The following SPAG16 variants were observed in gnomAD, a reference collection of about 807,000 sequenced individuals.
SPAG16 encodes the protein sperm-associated antigen 16 protein.
Under a neutral mutation model 80.4 loss-of-function variants are expected in SPAG16, and 86 were observed. That is an observed-to-expected ratio of 1.07 (90% CI 0.90 to 1.28). The LOEUF is 1.28. Among genes scored for constraint, SPAG16 ranks in the 50% most tolerant of loss-of-function variants. The pLI, the probability that SPAG16 is intolerant of heterozygous loss-of-function variation, is 0.00. For missense variants in SPAG16, 870 were observed against 765.3 expected (o/e 1.14, Z -1.61); for synonymous variants, 294 against 265.9 (o/e 1.11, Z -1.03).
At chr2:213,690,351 A>G (rs2064888116) in intron 10 of SPAG16, among the ~76,000 whole-genome samples, 1 of 152,224 alleles carries the variant, frequency 6.6e-6, no homozygotes, top group Non-Finnish European at 1.5e-5. Flanking sequence ...CAAGGGCTGC[A>G]TCCTCCAGAG....
At chr2:213,841,010 C>A (rs926285022) in intron 10 of SPAG16, among the ~76,000 whole-genome samples, 2 of 152,196 alleles carry the variant, frequency 1.3e-5, no homozygotes, top group African/African-American at 4.8e-5. Context: ...AAATAGACTT[C>A]ATGGCTCTGG....
At position 213,835,005 on chromosome 2, in the gene SPAG16, A is replaced by C. The variant is rs145046190; in HGVS notation, c.1071-27480A>C. On this transcript the variant is annotated intron_variant, in intron 10 of 15. Transcript: ENST00000331683. ...AGGTTGCAAAATATATTTGAACTCT[A>C]TCCCAGTTTCCTGATCTCTGGTTGT... Among the ~76,000 whole-genome samples, 14 of 152,268 alleles carry C rather than the reference A, an allele frequency of 9.2e-5. No individual in the cohort carries two copies. In the East Asian group the frequency reaches 2.7e-3, roughly 29 times the overall value.
chr2:214,123,303 G>T (rs531004035), intron 14 of SPAG16, among the ~76,000 whole-genome samples: 1 of 151,764 alleles, frequency 6.6e-6, no homozygotes, highest in Non-Finnish European at 1.5e-5. Flanking sequence ...TAGTCAAATG[G>T]AGTTCATTTC....
At chr2:214,221,895 C>A (rs550596443) in intron 15 of SPAG16, among the ~76,000 whole-genome samples, 1 of 150,932 alleles carries the variant, frequency 6.6e-6, no homozygotes, top group South Asian at 2.1e-4. Flanking sequence ...CAAAATCAGC[C>A]AATACTGTTT....
chr2:213,744,848 A>C (rs1263983847), intron 10 of SPAG16, among the ~76,000 whole-genome samples: 1 of 152,230 alleles, frequency 6.6e-6, no homozygotes, highest in African/African-American at 2.4e-5. Context: ...TACCACTTCC[A>C]TATTAACATT....
chr2:214,325,030 A>G (rs1696378007), intron 15 of SPAG16, among the ~76,000 whole-genome samples: 1 of 152,228 alleles, frequency 6.6e-6, no homozygotes. Flanking sequence ...ATCAGAAAAA[A>G]TATTTCTTTA....
chr2:214,070,342 T>G (rs1045313012), intron 13 of SPAG16, among the ~76,000 whole-genome samples: 1 of 152,084 alleles, frequency 6.6e-6, no homozygotes, highest in Non-Finnish European at 1.5e-5. Flanking sequence ...AATTCTTGTT[T>G]GTTTACAACA....
At chr2:214,409,208 T>G (rs1481554919) in intron 15 of SPAG16, among the ~76,000 whole-genome samples, 3 of 151,894 alleles carry the variant, frequency 2.0e-5, no homozygotes, top group African/African-American at 4.8e-5. Context: ...ATATAGTATC[T>G]ATCACATTAA....
intron 10 of SPAG16, among the ~76,000 whole-genome samples, chr2:213,774,125 C>A (rs1469196363): frequency 6.6e-6 from 1 of 152,018 alleles, no homozygotes; most frequent in Non-Finnish European, 1.5e-5. Context: ...ATTCTAATAT[C>A]TGGGATATCT....
intron 12 of SPAG16, among the ~76,000 whole-genome samples, chr2:213,943,269 T>C (rs2079288602): frequency 6.6e-6 from 1 of 152,150 alleles, no homozygotes; most frequent in African/African-American, 2.4e-5. Flanking sequence ...AGGTAATGGG[T>C]AGAGTCTGGA....
At chr2:214,085,971 C>A (rs1229655208) in intron 13 of SPAG16, among the ~76,000 whole-genome samples, 1 of 152,160 alleles carries the variant, frequency 6.6e-6, no homozygotes, top group Non-Finnish European at 1.5e-5. Context: ...CTTTTGAAAG[C>A]CTGTCCATCC....
chr2:214,127,281 T>C (rs1004198953), intron 14 of SPAG16, among the ~76,000 whole-genome samples: 5 of 151,844 alleles, frequency 3.3e-5, no homozygotes, highest in Admixed American at 1.3e-4. Flanking sequence ...CCTGGTTTAC[T>C]ATTTCAAGTG....
At chr2:213,360,066 A>G (rs549643034) in intron 7 of SPAG16, among the ~76,000 whole-genome samples, 27 of 152,364 alleles carry the variant, frequency 1.8e-4, no homozygotes, top group Non-Finnish European at 2.9e-4. Flanking sequence ...TGAAGGTGGT[A>G]GATTCACTAC....
chr2:213,371,389 C>T lies in SPAG16; in HGVS notation c.833-3621C>T, dbSNP rs544651640. On this transcript the variant is annotated intron_variant, in intron 8 of 15. Transcript: ENST00000331683. Reference sequence around the variant, plus strand: ...TTCCAGCCTGGCAACACAGCAAGACCGTGTCTCAAAAAAAAAAAAAAAAAA... The same window carrying T: ...TTCCAGCCTGGCAACACAGCAAGACTGTGTCTCAAAAAAAAAAAAAAAAAA... Among the ~76,000 whole-genome samples, 215 of 103,446 alleles carry T rather than the reference C, an allele frequency of 2.1e-3. 2 individuals carry two copies. Among genetic ancestry groups the T allele is most frequent in the African/African-American group, 7.2e-3 (197 of 27,338 alleles). The allele number at this position is 103,446 out of a possible 152,430, so 67.9% of individuals were successfully genotyped here.
At chr2:213,976,115 T>G (rs990324446) in intron 12 of SPAG16, among the ~76,000 whole-genome samples, 1 of 92,148 alleles carries the variant, frequency 1.1e-5, no homozygotes, top group Non-Finnish European at 2.1e-5. Flanking sequence ...GGGAGATATA[T>G]ATATATATAT....
chr2:213,456,143 A>G (rs1487821499), intron 9 of SPAG16, among the ~76,000 whole-genome samples: 1 of 152,094 alleles, frequency 6.6e-6, no homozygotes, highest in Non-Finnish European at 1.5e-5. Context: ...AAAATGTTCT[A>G]TATTATGTTA....
intron 10 of SPAG16, among the ~76,000 whole-genome samples, chr2:213,554,262 A>G (rs1268149905): frequency 1.3e-5 from 2 of 152,314 alleles, no homozygotes; most frequent in African/African-American, 2.4e-5. Flanking sequence ...ATCTTCATCA[A>G]CACTGACCTC....
chr2:213,819,025 T>C (rs1363996070), intron 10 of SPAG16, among the ~76,000 whole-genome samples: 1 of 152,230 alleles, frequency 6.6e-6, no homozygotes, highest in African/African-American at 2.4e-5. Flanking sequence ...AAAGTGTACA[T>C]TCATTCATCT....
intron 10 of SPAG16, among the ~76,000 whole-genome samples, chr2:213,511,095 T>C (rs1449295754): frequency 6.6e-6 from 1 of 152,148 alleles, no homozygotes; most frequent in African/African-American, 2.4e-5. Context: ...AAGTAAAATA[T>C]TAATATAAAG....
Sources: gnomAD v4.1 joint callset for allele counts (sites outside exome capture counted in the v4.1 genomes callset) on GRCh38, gnomAD v4.1.1 for gene constraint, MANE v1.5 for transcripts, NCBI Gene and HGNC (gene_info 2026-07-23, HGNC 2026-07-21) for gene names.